Variants in SCLT1 observed in about 807,000 individuals in gnomAD.
The protein encoded by SCLT1 is sodium channel-associated protein 1.
In SCLT1, 78 loss-of-function variants were observed where a neutral mutation model predicts 112.8. The ratio of observed to expected loss-of-function variants is 0.69; its 90% CI spans 0.58 to 0.83. The LOEUF is 0.83. Among genes scored for constraint, SCLT1 ranks in the 40% least tolerant of loss-of-function variants. The pLI is 0.00. For synonymous variants in SCLT1, 257 were observed against 254.7 expected (o/e 1.01, Z -0.09); for missense variants, 747 against 770.4 (o/e 0.97, Z 0.36).
intron 13 of SCLT1, among the ~76,000 whole-genome samples, chr4:128,954,871 T>C (rs942585857): frequency 2.1e-4 from 32 of 152,206 alleles, no homozygotes; most frequent in Admixed American, 2.0e-3. Flanking sequence ...TCCTATAACA[T>C]AAAAATTTTG....
At chr4:129,002,184 T>A (rs2126086109) in intron 6 of SCLT1, among the ~76,000 whole-genome samples, 1 of 152,170 alleles carries the variant, frequency 6.6e-6, no homozygotes, top group Non-Finnish European at 1.5e-5. Context: ...AGCCCCCATT[T>A]ATAAATGAGG....
chr4:128,952,850 A>G lies in SCLT1; in HGVS notation c.1147-10T>C, dbSNP rs201502014. 3.3e-4 allele frequency: 445 copies of G among 1,332,502 alleles called. No individual in the cohort carries two copies. Among genetic ancestry groups the G allele is most frequent in the Admixed American group, 4.9e-4 (29 of 59,478 alleles). 82.5% of individuals were successfully genotyped at this position (1,332,502 alleles called of 1,614,324 possible). A position where few individuals can be genotyped will look rare whatever the true frequency, so the allele number is the denominator to read the frequency against. ...TTTTGGTGTTTGCAACCTGTAAATT[A>G]AGACATTTACTCATTATTTGGTTCT... On this transcript the variant is annotated splice_polypyrimidine_tract_variant and intron_variant, in intron 13 of 20. Coordinates refer to ENST00000281142, the MANE Select transcript of SCLT1 (RefSeq NM_144643.4).
intron 18 of SCLT1, among the ~76,000 whole-genome samples, chr4:128,910,957 T>C (rs1013597705): frequency 2.0e-5 from 3 of 152,164 alleles, no homozygotes; most frequent in Admixed American, 2.0e-4. Flanking sequence ...GTTTGTTGAT[T>C]TCATCTATAA....
intron 9 of SCLT1, among the ~76,000 whole-genome samples, chr4:128,986,982 G>A (rs1182889157): frequency 1.3e-5 from 2 of 152,150 alleles, no homozygotes; most frequent in Admixed American, 1.3e-4. Flanking sequence ...AGGAGTAAGA[G>A]ACTTTGCCTG....
intron 5 of SCLT1, among the ~76,000 whole-genome samples, chr4:129,022,671 T>A (rs1024053401): frequency 6.6e-6 from 1 of 152,128 alleles, no homozygotes; most frequent in South Asian, 2.1e-4. Flanking sequence ...TACGACTGAC[T>A]GGGGAACCTG....
In SCLT1 at chr4:128,957,095, T is replaced by G. The variant is rs1739282457; in HGVS notation, c.1077A>C (p.Glu359Asp). ...CTGTCTCTTTCATTTTCTCTATGTC[T>G]TCTTCTTTTTGCTTCTCCTCAAGTA... Reference protein sequence around the residue: ...QALLEEKQKEEDIEKMKETVS... With the variant: ...QALLEEKQKEDDIEKMKETVS... Residue 359 changes from glutamate to aspartate, a missense_variant, in exon 13 of 21, where the codon GAA becomes GAC. Physicochemically the swap from Glu to Asp is conservative, Grantham distance 45 (BLOSUM62 2). Coordinates refer to ENST00000281142, the MANE Select transcript of SCLT1 (RefSeq NM_144643.4). 1 of 1,600,392 alleles carries G rather than the reference T, an allele frequency of 6.2e-7. No homozygotes were observed.
intron 8 of SCLT1, among the ~76,000 whole-genome samples, chr4:128,993,302 CT>C (rs34276502): frequency 6.6e-6 from 1 of 151,878 alleles, no homozygotes; most frequent in African/African-American, 2.4e-5. Context: ...AAATATGAGC[CT>C]TTTTAAAGGA....
At chr4:128,988,062 T>C (rs2126063170) in intron 9 of SCLT1, among the ~76,000 whole-genome samples, 1 of 151,732 alleles carries the variant, frequency 6.6e-6, no homozygotes. Context: ...ACAAGAAATG[T>C]TAAAGGGAGT....
rs560357201 is a variant in SCLT1 at position 128,890,650 on chromosome 4, C to T, written c.1908+409G>A. ...ACTTGAACTCTTGCTATATTTAGTT[C>T]TAAGGCATAAATCTAAATATATTTT... On this transcript the variant is annotated intron_variant, in intron 19 of 20. Transcript: ENST00000281142. 2.0e-5 allele frequency among the ~76,000 whole-genome samples: 3 copies of T among 152,118 alleles called. 1 individual carries two copies. The South Asian group carries it at 6.2e-4, about 32-fold the overall frequency.
intron 1 of SCLT1, among the ~76,000 whole-genome samples, chr4:129,082,899 T>C (rs1752066086): frequency 6.6e-6 from 1 of 151,996 alleles, no homozygotes; most frequent in African/African-American, 2.4e-5. Flanking sequence ...GTCTTGGTAA[T>C]AACAAGGCCA....
At chr4:128,976,060 C>A (rs1462591135) in intron 9 of SCLT1, among the ~76,000 whole-genome samples, 1 of 152,152 alleles carries the variant, frequency 6.6e-6, no homozygotes, top group East Asian at 1.9e-4. Flanking sequence ...CAAAATTATA[C>A]ATAGTTTCAG....
rs914574989 is a variant in SCLT1 at position 129,059,434 on chromosome 4, G to A, written c.103-15383C>T. 1.1e-4 allele frequency among the ~76,000 whole-genome samples: 17 copies of A among 151,978 alleles called. No individual in the cohort carries two copies. The South Asian group carries it at 1.9e-3, about 17-fold the overall frequency. On this transcript the variant is annotated intron_variant, in intron 2 of 20. Coordinates refer to ENST00000281142, the MANE Select transcript of SCLT1 (RefSeq NM_144643.4). ...TTGATGCTTTTTCCATTTCTCCTTC[G>A]TGTATCTGCTCCACCAGTGAGTTTT... is the stretch of plus-strand genomic sequence containing the variant.
At chr4:128,948,616 T>C in intron 14 of SCLT1, 46 bp from the exon 15 acceptor site, 2 of 1,361,088 alleles carry the variant, frequency 1.5e-6, no homozygotes, top group South Asian at 1.2e-5. Context: ...TGGTAACATC[T>C]TAAGAAAAGT....
chr4:128,933,793 T>C (rs1209211118), intron 18 of SCLT1, among the ~76,000 whole-genome samples: 1 of 152,084 alleles, frequency 6.6e-6, no homozygotes, highest in Non-Finnish European at 1.5e-5. Context: ...TGATGAAAAA[T>C]TTGTTTCTTA....
At chr4:128,913,159 T>A (rs1199547576) in intron 18 of SCLT1, among the ~76,000 whole-genome samples, 1 of 152,240 alleles carries the variant, frequency 6.6e-6, no homozygotes, top group Non-Finnish European at 1.5e-5. Context: ...TTCGGCATTC[T>A]GTTGTTGTGG....
intron 2 of SCLT1, among the ~76,000 whole-genome samples, chr4:129,074,054 T>C (rs1460105150): frequency 6.6e-6 from 1 of 152,190 alleles, no homozygotes; most frequent in Admixed American, 6.6e-5. Context: ...TTTCCTGATC[T>C]CTCCAACTAT....
At chr4:128,970,882 T>C (rs1740633323) in intron 9 of SCLT1, 1 of 154,544 alleles carries the variant, frequency 6.5e-6, no homozygotes, top group African/African-American at 2.4e-5. Flanking sequence ...TCTATGAAAA[T>C]GAACTTAAAC....
chr4:128,989,146 G>C (rs1232532920), intron 9 of SCLT1, among the ~76,000 whole-genome samples: 2 of 151,746 alleles, frequency 1.3e-5, no homozygotes, highest in Admixed American at 6.6e-5. Flanking sequence ...AACATTTACA[G>C]AATATTTCAT....
intron 5 of SCLT1, among the ~76,000 whole-genome samples, chr4:129,028,374 A>C (rs2126138295): frequency 1.3e-5 from 2 of 152,258 alleles, no homozygotes; most frequent in African/African-American, 4.8e-5. Flanking sequence ...ATAACACCGC[A>C]TATCTACAAC....
Sources: allele counts gnomAD v4.1 joint callset (sites outside exome capture counted in the v4.1 genomes callset), GRCh38; gene constraint gnomAD v4.1.1; transcripts MANE v1.5; gene names NCBI Gene and HGNC (gene_info 2026-07-23, HGNC 2026-07-21).